The following ATXN2 variants were observed in gnomAD, a reference collection of about 807,000 sequenced individuals.
ATXN2 encodes the protein ataxin 2.
Under a neutral mutation model 138.6 loss-of-function variants are expected in ATXN2, and 37 were observed. The ratio of observed to expected loss-of-function variants is 0.27; its 90% confidence interval spans 0.21 to 0.35. The LOEUF (loss-of-function observed/expected upper bound fraction) is 0.35, where lower values mean the gene tolerates loss of function less well. Among genes scored for constraint, ATXN2 ranks in the 10% least tolerant of loss-of-function variants. ATXN2 has a pLI of 1.00. For missense variants in ATXN2, 1,216 were observed against 1,480.3 expected, an observed-to-expected ratio of 0.82 and a Z score of 2.93; for synonymous variants, 549 against 543.7, an observed-to-expected ratio of 1.01 and a Z score of -0.13.
chr12:111,586,388 GTTTT>G (rs759694846), intron 1 of ATXN2, among the ~76,000 whole-genome samples: 36 of 114,860 alleles, frequency 3.1e-4, no homozygotes, highest in African/African-American at 8.8e-4. Context: ...CCCAAGTCTG[GTTTT>G]TTTTTTTTTT....
intron 2 of ATXN2, 77 bp downstream of exon 2, chr12:111,555,806 C>G: frequency 8.1e-7 from 1 of 1,230,276 alleles, no homozygotes; most frequent in East Asian, 2.6e-5. Context: ...AATCTTTTGC[C>G]TTGGCATTTG....
intron 6 of ATXN2, among the ~76,000 whole-genome samples, chr12:111,524,059 TC>T (rs1240730193): frequency 1.3e-5 from 2 of 152,210 alleles, no homozygotes; most frequent in Non-Finnish European, 2.9e-5. Flanking sequence ...AAAGACTCTA[TC>T]AATTTATCCA....
intron 5 of ATXN2, among the ~76,000 whole-genome samples, chr12:111,534,397 G>A (rs971970745): frequency 3.3e-5 from 5 of 151,874 alleles, no homozygotes; most frequent in Admixed American, 6.6e-5. Flanking sequence ...GTGAGACCCC[G>A]TATATAAAAA....
chr12:111,516,166 T>A lies in ATXN2; in HGVS notation c.1363A>T (p.Met455Leu). The A allele has an allele frequency of 6.3e-7, 1 of 1,597,306 alleles. No homozygotes were observed. Among genetic ancestry groups the A allele is most frequent in the Non-Finnish European group, 8.5e-7 (1 of 1,175,236 alleles). Residue 455 changes from methionine to leucine, a missense_variant, in exon 10 of 25, where the codon ATG becomes TTG. Transcript: ENST00000673436. This position sits in a 1 kb window ranked among gnomAD's most constrained non-coding sequence, Gnocchi z 5.0. ...PAPVSTMPKRMSSEGPPRMSP... is the reference protein window; with the variant it reads ...PAPVSTMPKRLSSEGPPRMSP... ...TGTGGTATTGTACCTTCTGAAGACATGCGTTTAGGCATAGTAGAGACAGGA... is the reference window on the plus strand; with the variant it reads ...TGTGGTATTGTACCTTCTGAAGACAAGCGTTTAGGCATAGTAGAGACAGGA...
intron 15 of ATXN2, 25 bp downstream of exon 15, chr12:111,488,451 T>G (rs78209549): frequency 0.063 from 98,419 of 1,572,414 alleles, 3,487 homozygotes; most frequent in Middle Eastern, 0.091. Flanking sequence ...AGTAACAGGA[T>G]GGTCTAAGTT....
At chr12:111,488,155 T>C (rs1473111539) in intron 15 of ATXN2, among the ~76,000 whole-genome samples, 1 of 152,170 alleles carries the variant, frequency 6.6e-6, no homozygotes. Flanking sequence ...GACTAATGAG[T>C]GGAATCCAGT....
At chr12:111,584,412 T>C (rs998422022) in intron 1 of ATXN2, among the ~76,000 whole-genome samples, 4 of 71,050 alleles carry the variant, frequency 5.6e-5, no homozygotes, top group African/African-American at 1.5e-4. Context: ...AAAAAAAAAA[T>C]TCATTGAACT....
intron 1 of ATXN2, among the ~76,000 whole-genome samples, chr12:111,579,417 C>T (rs1231007569): frequency 6.6e-6 from 1 of 152,100 alleles, no homozygotes; most frequent in Non-Finnish European, 1.5e-5. Context: ...CATGCGCCAC[C>T]ACGCCTGGCT....
intron 1 of ATXN2, among the ~76,000 whole-genome samples, chr12:111,594,640 GAGT>G (rs1460438508): frequency 1.3e-5 from 2 of 152,278 alleles, no homozygotes; most frequent in East Asian, 3.9e-4. Context: ...TTTAGGAATA[GAGT>G]AACAATTGTA....
intron 1 of ATXN2, among the ~76,000 whole-genome samples, chr12:111,559,278 C>A (rs1882547766): frequency 6.6e-6 from 1 of 151,184 alleles, no homozygotes. Flanking sequence ...TTTTTGTATT[C>A]TTAGTAGAGA....
At chr12:111,549,068 C>A (rs1013290907) in intron 5 of ATXN2, among the ~76,000 whole-genome samples, 2 of 152,042 alleles carry the variant, frequency 1.3e-5, no homozygotes, top group Non-Finnish European at 2.9e-5. Flanking sequence ...CTCCTGGGAT[C>A]TCATCACATG....
intron 11 of ATXN2, 73 bp downstream of exon 11, chr12:111,513,284 T>G: frequency 6.6e-7 from 1 of 1,511,434 alleles, no homozygotes; most frequent in South Asian, 1.2e-5. Context: ...TCAAACAGAG[T>G]TGTAGCTCAG....
intron 1 of ATXN2, among the ~76,000 whole-genome samples, chr12:111,575,319 C>T (rs1883576328): frequency 6.6e-6 from 1 of 152,054 alleles, no homozygotes; most frequent in South Asian, 2.1e-4. Context: ...GTAGTAGCTG[C>T]GACTACAGGT....
chr12:111,459,446 ATTTG>A (rs1875387704), intron 21 of ATXN2, among the ~76,000 whole-genome samples: 1 of 152,204 alleles, frequency 6.6e-6, no homozygotes, highest in African/African-American at 2.4e-5. Context: ...AAATGTATTT[ATTTG>A]TTTAATTTTT....
intron 5 of ATXN2, among the ~76,000 whole-genome samples, chr12:111,538,308 G>T (rs908883405): frequency 6.6e-6 from 1 of 151,834 alleles, no homozygotes; most frequent in African/African-American, 2.4e-5. Context: ...AAATTCAAGG[G>T]AAAACATTTA....
intron 5 of ATXN2, among the ~76,000 whole-genome samples, chr12:111,532,853 GAAA>G (rs33992543): frequency 8.2e-6 from 1 of 121,744 alleles, no homozygotes; most frequent in Admixed American, 8.5e-5. Flanking sequence ...TAGGTTTAAG[GAAA>G]AAAAAAAAAA....
At chr12:111,500,733 C>T (rs1438758959) in intron 14 of ATXN2, among the ~76,000 whole-genome samples, 20 of 152,056 alleles carry the variant, frequency 1.3e-4, no homozygotes, top group African/African-American at 4.3e-4. Context: ...ATTAGCTGGG[C>T]GTGGTGGCAC....
intron 5 of ATXN2, among the ~76,000 whole-genome samples, chr12:111,549,187 A>C (rs1050639758): frequency 1.3e-5 from 2 of 152,146 alleles, no homozygotes; most frequent in African/African-American, 4.8e-5. Flanking sequence ...AGGTGACTAA[A>C]CGTGAACCCA....
intron 21 of ATXN2, among the ~76,000 whole-genome samples, chr12:111,460,777 A>G (rs1453539338): frequency 6.6e-6 from 1 of 152,214 alleles, no homozygotes; most frequent in Non-Finnish European, 1.5e-5. Context: ...AATCATTTGA[A>G]GAGAAAAGTA....
Sources: gnomAD v4.1 joint callset for allele counts (sites outside exome capture counted in the v4.1 genomes callset) on GRCh38, gnomAD v4.1.1 for gene constraint, Gnocchi (gnomAD v3.1) non-coding constraint, MANE v1.5 for transcripts, NCBI Gene and HGNC (gene_info 2026-07-23, HGNC 2026-07-21) for gene names.